Variants in BRINP3 observed in about 807,000 individuals in gnomAD.
BRINP3 encodes the protein BMP/retinoic acid-inducible neural-specific protein 3.
BRINP3 carries 19 observed loss-of-function variants against 71.0 expected under a neutral mutation model. That is an observed-to-expected ratio of 0.27 (90% CI 0.19 to 0.39). BRINP3 has a LOEUF of 0.39. Ranked by LOEUF, BRINP3 falls within the 10% of genes least tolerant of loss-of-function variation. The pLI is 1.00. For synonymous variants in BRINP3, 380 were observed against 337.7 expected, an observed-to-expected ratio of 1.13 and a Z score of -1.37; for missense variants, 959 against 940.8, an observed-to-expected ratio of 1.02 and a Z score of -0.25.
intron 2 of BRINP3, among the ~76,000 whole-genome samples, chr1:190,435,124 C>T (rs1387681493): frequency 6.6e-6 from 1 of 152,086 alleles, no homozygotes; most frequent in Non-Finnish European, 1.5e-5. Context: ...TGAAATTGTT[C>T]CTACTATGAA....
At chr1:190,154,894 G>A (rs1425413711) in intron 7 of BRINP3, among the ~76,000 whole-genome samples, 1 of 152,050 alleles carries the variant, frequency 6.6e-6, no homozygotes, top group African/African-American at 2.4e-5. Flanking sequence ...GACACTTGGT[G>A]GATCTGTTAT....
At chr1:190,113,836 T>C (rs1652894770) in intron 7 of BRINP3, among the ~76,000 whole-genome samples, 1 of 152,168 alleles carries the variant, frequency 6.6e-6, no homozygotes, top group African/African-American at 2.4e-5. Flanking sequence ...GCTGTGTGAT[T>C]TGAGGACATA....
At chr1:190,348,658 T>A (rs1479452919) in intron 2 of BRINP3, among the ~76,000 whole-genome samples, 2 of 152,172 alleles carry the variant, frequency 1.3e-5, no homozygotes, top group Non-Finnish European at 2.9e-5. Flanking sequence ...TAAGCACTTT[T>A]ACATCTTCCA....
At chr1:190,236,065 C>T (rs761777266) in intron 4 of BRINP3, among the ~76,000 whole-genome samples, 4 of 151,662 alleles carry the variant, frequency 2.6e-5, no homozygotes, top group Non-Finnish European at 5.9e-5. Flanking sequence ...TAGTATGGAG[C>T]AGGAAAGACA....
intron 2 of BRINP3, among the ~76,000 whole-genome samples, chr1:190,427,099 C>A (rs1673759202): frequency 6.6e-6 from 1 of 151,828 alleles, no homozygotes. Context: ...TTGTGTATTA[C>A]ATAGAATAAA....
At chr1:190,220,617 G>C (rs1033043350) in intron 6 of BRINP3, among the ~76,000 whole-genome samples, 3 of 151,944 alleles carry the variant, frequency 2.0e-5, no homozygotes, top group African/African-American at 7.3e-5. Flanking sequence ...CTTCTCAATG[G>C]CATTTTCAAT....
At chr1:190,451,200 T>G (rs1675585071) in intron 2 of BRINP3, among the ~76,000 whole-genome samples, 1 of 152,080 alleles carries the variant, frequency 6.6e-6, no homozygotes, top group Admixed American at 6.5e-5. Context: ...AAAAAAAATT[T>G]TTGTTTTGAG....
At chr1:190,464,063 T>C (rs1676572827) in intron 1 of BRINP3, among the ~76,000 whole-genome samples, 1 of 151,642 alleles carries the variant, frequency 6.6e-6, no homozygotes, top group Non-Finnish European at 1.5e-5. Flanking sequence ...ATAAAATAAT[T>C]CTGAAATTTA....
At chr1:190,381,511 T>G (rs1490185975) in intron 2 of BRINP3, among the ~76,000 whole-genome samples, 4 of 152,176 alleles carry the variant, frequency 2.6e-5, no homozygotes, top group African/African-American at 9.6e-5. Context: ...TATTTGTGTC[T>G]TGTTTCCATT....
intron 7 of BRINP3, among the ~76,000 whole-genome samples, chr1:190,108,675 A>T: frequency 6.7e-6 from 1 of 150,098 alleles, no homozygotes; most frequent in South Asian, 2.1e-4. Context: ...ATTAACTTAA[A>T]TTACTATCTC....
intron 7 of BRINP3, among the ~76,000 whole-genome samples, chr1:190,153,125 C>G (rs1656563848): frequency 6.6e-6 from 1 of 152,094 alleles, no homozygotes; most frequent in Admixed American, 6.6e-5. Context: ...GAAGTTATCC[C>G]AATCAAGAAC....
intron 7 of BRINP3, among the ~76,000 whole-genome samples, chr1:190,119,971 A>G (rs1276539211): frequency 6.6e-6 from 1 of 152,206 alleles, no homozygotes; most frequent in Non-Finnish European, 1.5e-5. Context: ...TTTTTCAGTA[A>G]AGTAAGTAGT....
intron 2 of BRINP3, among the ~76,000 whole-genome samples, chr1:190,397,162 T>A (rs981927962): frequency 3.9e-5 from 6 of 151,932 alleles, no homozygotes; most frequent in African/African-American, 1.4e-4. Flanking sequence ...GTCACCTTCT[T>A]ACCCCTTTGC....
At chr1:190,349,498 T>A (rs1221326924) in intron 2 of BRINP3, among the ~76,000 whole-genome samples, 1 of 152,116 alleles carries the variant, frequency 6.6e-6, no homozygotes, top group East Asian at 1.9e-4. Flanking sequence ...TCTGCCTGGG[T>A]TGACAATGTG....
chr1:190,416,596 C>T (rs532853820), intron 2 of BRINP3, among the ~76,000 whole-genome samples: 3 of 152,226 alleles, frequency 2.0e-5, no homozygotes, highest in African/African-American at 7.2e-5. Context: ...TTCATAACAA[C>T]CTATACTTCT....
intron 2 of BRINP3, among the ~76,000 whole-genome samples, chr1:190,382,815 G>C (rs1670634164): frequency 6.6e-6 from 1 of 152,122 alleles, no homozygotes; most frequent in Non-Finnish European, 1.5e-5. Context: ...AGATCCAAGT[G>C]AATGTGCCTA....
At position 190,336,227 on chromosome 1, in the gene BRINP3, T is replaced by C. The variant is rs988425823; in HGVS notation, c.237-54477A>G. ...AATGCCTAACAGTTCTATTTAACAA[T>C]ATAATTGCAGTTGGTGCCTTGAGAT... is the stretch of plus-strand genomic sequence containing the variant. On this transcript the variant is annotated intron_variant, in intron 2 of 7. Transcript: ENST00000367462. 2.0e-5 allele frequency among the ~76,000 whole-genome samples: 3 copies of C among 152,150 alleles called. No homozygotes were observed. The Middle Eastern group carries it at 0.01, about 518-fold the overall frequency.
At chr1:190,170,191 TG>T in intron 6 of BRINP3, among the ~76,000 whole-genome samples, 1 of 152,094 alleles carries the variant, frequency 6.6e-6, no homozygotes. Flanking sequence ...CTGGTTTTGT[TG>T]AGATGTGGTG....
chr1:190,384,341 T>A (rs1336111744), intron 2 of BRINP3, among the ~76,000 whole-genome samples: 1 of 151,760 alleles, frequency 6.6e-6, no homozygotes, highest in African/African-American at 2.4e-5. Flanking sequence ...TACATTTTGC[T>A]TCTAGGAAAA....
Sources: gnomAD v4.1 joint callset for allele counts (sites outside exome capture counted in the v4.1 genomes callset) on GRCh38, gnomAD v4.1.1 for gene constraint, MANE v1.5 for transcripts, NCBI Gene and HGNC (gene_info 2026-07-23, HGNC 2026-07-21) for gene names.